Variants in ATP8A2 observed in about 807,000 individuals in gnomAD.
ATP8A2 encodes ATPase phospholipid transporting 8A2.
ATP8A2 carries 100 observed loss-of-function variants against 165.6 expected under a neutral mutation model. That is an observed-to-expected ratio of 0.60 (90% CI 0.51 to 0.71). ATP8A2 has a LOEUF of 0.71. Ranked by LOEUF, ATP8A2 falls within the 30% of genes least tolerant of loss-of-function variation. The pLI is 0.00. For missense variants in ATP8A2, 1,227 were observed against 1,479.5 expected, an observed-to-expected ratio of 0.83 and a Z score of 2.80; for synonymous variants, 543 against 548.8, an observed-to-expected ratio of 0.99 and a Z score of 0.15.
At chr13:25,949,570 A>G (rs963214000) in intron 33 of ATP8A2, among the ~76,000 whole-genome samples, 1 of 152,174 alleles carries the variant, frequency 6.6e-6, no homozygotes, top group Non-Finnish European at 1.5e-5. Context: ...CAATATAAAC[A>G]ATATGCCAGA....
At chr13:25,852,901 T>A (rs887021634) in intron 30 of ATP8A2, among the ~76,000 whole-genome samples, 2 of 147,354 alleles carry the variant, frequency 1.4e-5, no homozygotes, top group Non-Finnish European at 3.0e-5. Context: ...AGAAACTCAG[T>A]CTCAGAAAAA....
intron 25 of ATP8A2, among the ~76,000 whole-genome samples, chr13:25,700,330 C>T (rs915972636): frequency 6.6e-6 from 1 of 152,162 alleles, no homozygotes; most frequent in Non-Finnish European, 1.5e-5. Context: ...TGAGTATATT[C>T]ACAAAATTAT....
chr13:25,650,362 G>A (rs543191052), intron 24 of ATP8A2, among the ~76,000 whole-genome samples: 40 of 152,198 alleles, frequency 2.6e-4, no homozygotes, highest in African/African-American at 9.2e-4. Flanking sequence ...GATGTCGTCT[G>A]AATTCTCTTT....
chr13:25,518,494 T>G (rs1469978692), intron 2 of ATP8A2, among the ~76,000 whole-genome samples: 2 of 152,188 alleles, frequency 1.3e-5, no homozygotes. Context: ...CACCTTAACA[T>G]GGATTTACTG....
Position 25,530,600 on chromosome 13 carries a change from C to T in ATP8A2, c.360C>T (p.Thr120=). The part of the protein sequence containing the change: ...PDVSPTGRYT[T]LVPLIIILTI... Reference sequence around the variant, plus strand: ...TATCTCCAACAGGAAGATATACCACCCTGGTGCCATTGATCATTATTTTAA... The same window carrying T: ...TATCTCCAACAGGAAGATATACCACTCTGGTGCCATTGATCATTATTTTAA... Residue 120 remains threonine, a synonymous_variant, in exon 4 of 37, where the codon ACC becomes ACT. Coordinates refer to ENST00000381655, the MANE Select transcript of ATP8A2 (RefSeq NM_016529.6). The T allele has an allele frequency of 6.3e-7, 1 of 1,593,304 alleles. No individual in the cohort carries two copies. The highest frequency in any genetic ancestry group is 1.1e-5 in the South Asian group (1 of 88,200).
chr13:25,839,413 C>A, intron 29 of ATP8A2, 133 bp from the exon 30 acceptor site: 49 of 533,762 alleles, frequency 9.2e-5, no homozygotes, highest in East Asian at 2.2e-4. Context: ...TTTTCAAATT[C>A]AAGAATAATA....
At chr13:25,710,265 T>A (rs1380847618) in intron 25 of ATP8A2, among the ~76,000 whole-genome samples, 2 of 152,212 alleles carry the variant, frequency 1.3e-5, no homozygotes, top group African/African-American at 4.8e-5. Flanking sequence ...TTCTTGAGTG[T>A]TAGGAACATT....
intron 27 of ATP8A2, among the ~76,000 whole-genome samples, chr13:25,777,197 A>G (rs1221870293): frequency 6.6e-6 from 1 of 152,152 alleles, no homozygotes; most frequent in Admixed American, 6.6e-5. Context: ...CTCCATGCCC[A>G]ATTTTCTATT....
At chr13:25,593,251 A>G (rs1160440722) in intron 24 of ATP8A2, among the ~76,000 whole-genome samples, 1 of 152,158 alleles carries the variant, frequency 6.6e-6, no homozygotes, top group Non-Finnish European at 1.5e-5. Flanking sequence ...GACACAGAAA[A>G]TGGCCCAACA....
intron 1 of ATP8A2, among the ~76,000 whole-genome samples, chr13:25,426,897 G>C: frequency 6.6e-6 from 1 of 152,156 alleles, no homozygotes; most frequent in Non-Finnish European, 1.5e-5. Flanking sequence ...AATGAGCTGA[G>C]ATCACTCCAC....
At chr13:25,954,237 C>T (rs948078355) in intron 33 of ATP8A2, among the ~76,000 whole-genome samples, 9 of 152,186 alleles carry the variant, frequency 5.9e-5, no homozygotes, top group African/African-American at 2.2e-4. Context: ...AACAAAGCCA[C>T]CAGGAAGTTT....
At chr13:25,395,737 A>G (rs754814912) in intron 1 of ATP8A2, among the ~76,000 whole-genome samples, 3 of 152,068 alleles carry the variant, frequency 2.0e-5, no homozygotes, top group East Asian at 1.9e-4. Context: ...GGGTCTTGCT[A>G]TGTTGCTCAG....
chr13:25,729,581 G>A (rs73154551), intron 25 of ATP8A2, among the ~76,000 whole-genome samples: 22,266 of 152,200 alleles, frequency 0.15, 2,097 homozygotes, highest in Middle Eastern at 0.24. Flanking sequence ...ACTGTGTCGC[G>A]ACACGTGTGT....
At chr13:25,893,663 G>A (rs75688400) in intron 33 of ATP8A2, among the ~76,000 whole-genome samples, 8 of 150,934 alleles carry the variant, frequency 5.3e-5, no homozygotes, top group Admixed American at 1.3e-4. Context: ...TTACAGTCCC[G>A]CCAACAGTGT....
At chr13:25,414,634 C>A (rs533554065) in intron 1 of ATP8A2, among the ~76,000 whole-genome samples, 1 of 152,332 alleles carries the variant, frequency 6.6e-6, no homozygotes, top group African/African-American at 2.4e-5. Flanking sequence ...ATGTACTTTA[C>A]GTGTATGTCA....
At chr13:25,939,903 G>A (rs1481366974) in intron 33 of ATP8A2, among the ~76,000 whole-genome samples, 2 of 152,202 alleles carry the variant, frequency 1.3e-5, no homozygotes, top group Non-Finnish European at 2.9e-5. Context: ...AACCACTTGT[G>A]TAGGTGGGAC....
rs189194252 is a variant in ATP8A2 at position 25,975,536 on chromosome 13, C to T, written c.3377+6857C>T. On this transcript the variant is annotated intron_variant, in intron 35 of 36. Transcript: ENST00000381655. ...GGCGGAGCTTGCGGTGAGCCGAGAT[C>T]GCGCCACTGCACTCCAGCCTGGGGG... Among the ~76,000 whole-genome samples the T allele has an allele frequency of 4.8e-3, 722 of 151,788 alleles. 5 individuals are homozygous for T. The highest frequency in any genetic ancestry group is 0.016 in the African/African-American group (675 of 41,360).
chr13:25,688,532 G>A (rs1035594064), intron 24 of ATP8A2, among the ~76,000 whole-genome samples: 2 of 152,218 alleles, frequency 1.3e-5, no homozygotes, highest in Non-Finnish European at 2.9e-5. Context: ...GTATAATAGA[G>A]TGCGCCACTG....
At chr13:25,404,164 C>T (rs1442306160) in intron 1 of ATP8A2, among the ~76,000 whole-genome samples, 1 of 152,100 alleles carries the variant, frequency 6.6e-6, no homozygotes, top group Non-Finnish European at 1.5e-5. Flanking sequence ...CACTGAGACT[C>T]AGAGGCCAGA....
Sources: allele counts gnomAD v4.1 joint callset (sites outside exome capture counted in the v4.1 genomes callset), GRCh38; gene constraint gnomAD v4.1.1; transcripts MANE v1.5; gene names NCBI Gene and HGNC (gene_info 2026-07-23, HGNC 2026-07-21).